The following DAP variants were observed in gnomAD, a reference collection of about 807,000 sequenced individuals.
DAP encodes death-associated protein 1.
DAP carries 8 observed loss-of-function variants against 13.8 expected under a neutral mutation model. The observed-to-expected ratio is 0.58, with a 90% CI of 0.34 to 1.05. The LOEUF (loss-of-function observed/expected upper bound fraction) is 1.05. Among genes scored for constraint, DAP ranks in the 50% least tolerant of loss-of-function variants. The pLI, the probability that DAP is intolerant of heterozygous loss-of-function variation, is 0.03. For missense variants in DAP, 106 were observed against 133.2 expected (o/e 0.80, Z 1.01); for synonymous variants, 47 against 47.5 (o/e 0.99, Z 0.04).
intron 2 of DAP, among the ~76,000 whole-genome samples, chr5:10,739,674 A>G (rs377281712): frequency 6.6e-6 from 1 of 152,158 alleles, no homozygotes; most frequent in South Asian, 2.1e-4. Context: ...AAGCCACTAC[A>G]AGTGGGAAGG....
rs556270805 is a variant in DAP at position 10,690,250 on chromosome 5, T to TAAAG, written c.153-6683_153-6680dup. On this transcript the variant is annotated intron_variant, in intron 2 of 3. Transcript: ENST00000230895. ...GTCTGCTCAAGGCAAACGTTCTTCC[T>TAAAG]AAAGACAGTCCAAGCTCTCCCTCCC... Among the ~76,000 whole-genome samples, 10 of 152,354 alleles carry TAAAG rather than the reference T, an allele frequency of 6.6e-5. No individual in the cohort carries two copies. In the South Asian group the frequency reaches 2.1e-3, roughly 32 times the overall value.
chr5:10,709,985 T>C (rs1243935105), intron 2 of DAP, among the ~76,000 whole-genome samples: 3 of 152,204 alleles, frequency 2.0e-5, no homozygotes, highest in Admixed American at 2.0e-4. Flanking sequence ...GATCTGTGTG[T>C]AACCAGCCCC....
At chr5:10,711,731 A>T (rs1579799240) in intron 2 of DAP, among the ~76,000 whole-genome samples, 1 of 152,324 alleles carries the variant, frequency 6.6e-6, no homozygotes. Flanking sequence ...CAGTGCTCTG[A>T]ATAGAGCCTC....
chr5:10,738,999 G>A (rs1315405758), intron 2 of DAP, among the ~76,000 whole-genome samples: 5 of 151,788 alleles, frequency 3.3e-5, no homozygotes, highest in Non-Finnish European at 7.4e-5. Flanking sequence ...TCAGGAGATC[G>A]AGACCATCCT....
intron 2 of DAP, among the ~76,000 whole-genome samples, chr5:10,739,798 C>CAA (rs1165035300): frequency 6.6e-6 from 1 of 151,394 alleles, no homozygotes; most frequent in African/African-American, 2.4e-5. Flanking sequence ...CACACACACA[C>CAA]ACACACACAC....
chr5:10,687,598 C>T (rs1335542512), intron 2 of DAP, among the ~76,000 whole-genome samples: 2 of 152,134 alleles, frequency 1.3e-5, no homozygotes, highest in African/African-American at 2.4e-5. Flanking sequence ...TGGCTGCAAT[C>T]TTGTGATTAA....
chr5:10,707,062 G>A lies in DAP; in HGVS notation c.153-23491C>T, dbSNP rs1738714803. On this transcript the variant is annotated intron_variant, in intron 2 of 3. Coordinates refer to ENST00000230895, the MANE Select transcript of DAP (RefSeq NM_004394.3). The surrounding 1 kb of genome is among the most constrained non-coding windows in gnomAD (Gnocchi z 4.0). ...TCAGAGGGGACTGGCCTTAAAAAAA[G>A]CCATGGGTCTGTCCCCAAGTCAGTC... is the stretch of plus-strand genomic sequence containing the variant. Among the ~76,000 whole-genome samples, 2 of 152,214 alleles carry A rather than the reference G, an allele frequency of 1.3e-5. No individual in the cohort carries two copies. The highest frequency in any genetic ancestry group is 6.5e-5 in the Admixed American group (1 of 15,290).
chr5:10,732,941 A>G lies in DAP; in HGVS notation c.152+15234T>C, dbSNP rs921320739. ...AAATCTGATACTCTGTACACATTAA[A>G]CACTAATCCACATTTCCCTTTCCCC... On this transcript the variant is annotated intron_variant, in intron 2 of 3. Transcript: ENST00000230895. Among the ~76,000 whole-genome samples the G allele has an allele frequency of 3.9e-5, 6 of 152,322 alleles. No individual in the cohort carries two copies. The East Asian group carries it at 1.2e-3, about 29-fold the overall frequency.
chr5:10,706,046 A>G (rs755107619), intron 2 of DAP, among the ~76,000 whole-genome samples: 6 of 152,254 alleles, frequency 3.9e-5, no homozygotes, highest in Non-Finnish European at 8.8e-5. Context: ...TCACATCGGC[A>G]TTTGCATCCA....
chr5:10,687,708 T>C (rs529930167), intron 2 of DAP, among the ~76,000 whole-genome samples: 1 of 152,256 alleles, frequency 6.6e-6, no homozygotes, highest in East Asian at 1.9e-4. Context: ...ACACTGAAAA[T>C]AACAACAAAG....
chr5:10,690,151 A>AGTCTTAT (rs990091720), intron 2 of DAP, among the ~76,000 whole-genome samples: 1 of 152,114 alleles, frequency 6.6e-6, no homozygotes, highest in Non-Finnish European at 1.5e-5. Flanking sequence ...TGCATGAGAA[A>AGTCTTAT]GTCTTATCGA....
intron 2 of DAP, among the ~76,000 whole-genome samples, chr5:10,692,652 C>T (rs1483863956): frequency 6.6e-6 from 1 of 152,176 alleles, no homozygotes; most frequent in Non-Finnish European, 1.5e-5. Context: ...CATTCCAGTG[C>T]GGTTTCTAGA....
intron 2 of DAP, among the ~76,000 whole-genome samples, chr5:10,693,901 T>C (rs16885157): frequency 0.054 from 8,191 of 152,276 alleles, 621 homozygotes; most frequent in African/African-American, 0.17. Context: ...AGCATTTAAC[T>C]AGCATACAAA....
At chr5:10,712,778 G>A (rs1738885840) in intron 2 of DAP, among the ~76,000 whole-genome samples, 1 of 152,162 alleles carries the variant, frequency 6.6e-6, no homozygotes, top group Non-Finnish European at 1.5e-5. Flanking sequence ...GCTTCTCAGG[G>A]CTTCTGTTAT....
At chr5:10,719,758 C>G (rs915577434) in intron 2 of DAP, among the ~76,000 whole-genome samples, 1 of 152,128 alleles carries the variant, frequency 6.6e-6, no homozygotes, top group Admixed American at 6.5e-5. Flanking sequence ...TGCCCATGGT[C>G]TCCACTCCTG....
In DAP at chr5:10,683,705, C is replaced by T. The variant is rs116899579; in HGVS notation, c.153-134G>A. 9.3e-4 allele frequency: 739 copies of T among 790,876 alleles called. 17 individuals carry two copies. The East Asian group carries it at 0.013, about 14-fold the overall frequency. 49.0% of individuals were successfully genotyped at this position (790,876 alleles called of 1,614,324 possible). A position where few individuals can be genotyped will look rare whatever the true frequency, so the allele number is the denominator to read the frequency against. ...GAATGGGAAGCAAACCTCTCCTCTG[C>T]GTTATTTGTTGTAATGATCACACTA... is the stretch of plus-strand genomic sequence containing the variant. On this transcript the variant is annotated intron_variant, in intron 2 of 3. Coordinates refer to ENST00000230895, the MANE Select transcript of DAP (RefSeq NM_004394.3).
chr5:10,738,557 A>G (rs1739674016), intron 2 of DAP, among the ~76,000 whole-genome samples: 1 of 152,264 alleles, frequency 6.6e-6, no homozygotes, highest in African/African-American at 2.4e-5. Context: ...AATTGAACTG[A>G]GGAAAATCCT....
chr5:10,708,323 GAC>G (rs1335636809), intron 2 of DAP, among the ~76,000 whole-genome samples: 1 of 151,168 alleles, frequency 6.6e-6, no homozygotes, highest in Non-Finnish European at 1.5e-5. Flanking sequence ...CACAGACACA[GAC>G]ACACACATAT....
intron 2 of DAP, among the ~76,000 whole-genome samples, chr5:10,705,182 A>C (rs1487023379): frequency 6.6e-6 from 1 of 152,224 alleles, no homozygotes; most frequent in East Asian, 1.9e-4. Flanking sequence ...TTGAATCAGG[A>C]AGCCTTTTGG....
Sources: gnomAD v4.1 joint callset for allele counts (sites outside exome capture counted in the v4.1 genomes callset) on GRCh38, gnomAD v4.1.1 for gene constraint, Gnocchi (gnomAD v3.1) non-coding constraint, MANE v1.5 for transcripts, NCBI Gene and HGNC (gene_info 2026-07-23, HGNC 2026-07-21) for gene names.